CTNNA3: variants seen among roughly 807,000 people sequenced by gnomAD.
CTNNA3 encodes catenin alpha-3.
In CTNNA3, 76 loss-of-function variants were observed where a neutral mutation model predicts 95.7. The observed-to-expected ratio is 0.79, with a 90% CI of 0.66 to 0.96. The LOEUF is 0.96. CTNNA3 is among the 40% of genes least tolerant of loss of function. CTNNA3 has a pLI of 0.00. For missense variants in CTNNA3, 1,191 were observed against 1,089.8 expected (o/e 1.09, Z -1.31); for synonymous variants, 431 against 374.4 (o/e 1.15, Z -1.74).
intron 2 of CTNNA3, among the ~76,000 whole-genome samples, 166 bp downstream of exon 2, chr10:67,647,249 A>C (rs1177656417): frequency 6.6e-6 from 1 of 150,804 alleles, no homozygotes; most frequent in African/African-American, 2.4e-5. Context: ...ACATCTTAAC[A>C]ACACACATAC....
intron 11 of CTNNA3, among the ~76,000 whole-genome samples, chr10:66,489,674 A>T (rs1299046266): frequency 6.6e-6 from 1 of 152,144 alleles, no homozygotes; most frequent in African/African-American, 2.4e-5. Context: ...TTACTCTTTC[A>T]TGAGGCTTTA....
At chr10:66,253,158 G>A (rs1482722125) in intron 13 of CTNNA3, among the ~76,000 whole-genome samples, 1 of 152,134 alleles carries the variant, frequency 6.6e-6, no homozygotes, top group Non-Finnish European at 1.5e-5. Flanking sequence ...TTTGTCATCT[G>A]ATGTAGACAT....
intron 7 of CTNNA3, among the ~76,000 whole-genome samples, chr10:66,801,213 T>C (rs1841415962): frequency 6.6e-6 from 1 of 151,310 alleles, no homozygotes; most frequent in Admixed American, 6.6e-5. Context: ...CACATCGTGA[T>C]TTACAGACAA....
intron 3 of CTNNA3, among the ~76,000 whole-genome samples, chr10:67,558,354 TCCAC>T (rs2133248457): frequency 6.6e-6 from 1 of 152,350 alleles, no homozygotes; most frequent in African/African-American, 2.4e-5. Flanking sequence ...TGACACCTCT[TCCAC>T]CCACCCCTTT....
chr10:66,319,805 C>T (rs2092156597), intron 12 of CTNNA3, among the ~76,000 whole-genome samples: 1 of 152,136 alleles, frequency 6.6e-6, no homozygotes, highest in Non-Finnish European at 1.5e-5. Flanking sequence ...ACATCTTTCA[C>T]TTCTTACTCC....
intron 7 of CTNNA3, among the ~76,000 whole-genome samples, chr10:66,864,323 T>A (rs1344925890): frequency 6.6e-6 from 1 of 152,120 alleles, no homozygotes; most frequent in Admixed American, 6.6e-5. Context: ...AGAGTGAGTT[T>A]GTTATCAATG....
intron 12 of CTNNA3, among the ~76,000 whole-genome samples, chr10:66,372,979 T>C (rs995890719): frequency 6.6e-6 from 1 of 152,160 alleles, no homozygotes; most frequent in Non-Finnish European, 1.5e-5. Flanking sequence ...ATTTTTCAGA[T>C]ATGGCAGTAT....
intron 11 of CTNNA3, among the ~76,000 whole-genome samples, chr10:66,431,139 GA>G (rs1228468139): frequency 2.6e-5 from 4 of 151,958 alleles, no homozygotes; most frequent in African/African-American, 7.2e-5. Flanking sequence ...ACAGACACAT[GA>G]AAAAATGCTC....
chr10:66,824,669 A>G (rs946956700), intron 7 of CTNNA3, among the ~76,000 whole-genome samples: 10 of 152,216 alleles, frequency 6.6e-5, no homozygotes, highest in Admixed American at 5.9e-4. Context: ...AAAAGCAGAC[A>G]GTATGTGGGA....
intron 7 of CTNNA3, among the ~76,000 whole-genome samples, chr10:66,854,336 T>C (rs1843609030): frequency 6.6e-6 from 1 of 152,064 alleles, no homozygotes; most frequent in Non-Finnish European, 1.5e-5. Context: ...CTGCATACTA[T>C]TCCTTTGGCA....
chr10:67,277,624 G>C (rs1375934913), intron 5 of CTNNA3, among the ~76,000 whole-genome samples: 2 of 152,108 alleles, frequency 1.3e-5, no homozygotes, highest in Non-Finnish European at 2.9e-5. Flanking sequence ...GTCGGCACAA[G>C]ATACAGGTCA....
At chr10:66,353,729 AG>A (rs2092584811) in intron 12 of CTNNA3, among the ~76,000 whole-genome samples, 1 of 152,006 alleles carries the variant, frequency 6.6e-6, no homozygotes, top group Non-Finnish European at 1.5e-5. Flanking sequence ...GAGTTGATGT[AG>A]AAAAAAAAAT....
At chr10:66,234,824 G>T (rs1307365394) in intron 13 of CTNNA3, among the ~76,000 whole-genome samples, 4 of 152,138 alleles carry the variant, frequency 2.6e-5, no homozygotes, top group African/African-American at 9.7e-5. Flanking sequence ...AAGCAAAAGT[G>T]AGAGGTATTT....
intron 9 of CTNNA3, among the ~76,000 whole-genome samples, chr10:66,730,348 G>A (rs1312733021): frequency 6.6e-6 from 1 of 152,108 alleles, no homozygotes; most frequent in African/African-American, 2.4e-5. Context: ...ACTAACGAAG[G>A]AATAGAAAAC....
intron 6 of CTNNA3, among the ~76,000 whole-genome samples, chr10:67,191,792 A>T (rs1431886406): frequency 6.6e-6 from 1 of 151,972 alleles, no homozygotes; most frequent in Non-Finnish European, 1.5e-5. Context: ...AAATAGCCAA[A>T]GCAATCTTAA....
chr10:66,957,195 AAG>A (rs2132750444), intron 7 of CTNNA3, among the ~76,000 whole-genome samples: 1 of 152,104 alleles, frequency 6.6e-6, no homozygotes, highest in South Asian at 2.1e-4. Flanking sequence ...AACTTTATCA[AAG>A]ATATCTCCCA....
chr10:67,291,633 G>A (rs1407180089), intron 5 of CTNNA3, among the ~76,000 whole-genome samples: 1 of 152,006 alleles, frequency 6.6e-6, no homozygotes, highest in East Asian at 1.9e-4. Context: ...TGATTCACTG[G>A]GGTTCGTTTT....
At chr10:67,421,630 CAATA>C (rs1158929892) in intron 5 of CTNNA3, among the ~76,000 whole-genome samples, 2 of 152,118 alleles carry the variant, frequency 1.3e-5, no homozygotes, top group African/African-American at 4.8e-5. Flanking sequence ...GTTTCTTGAA[CAATA>C]AATCTGAATA....
At chr10:66,472,693 C>T (rs571891404) in intron 11 of CTNNA3, among the ~76,000 whole-genome samples, 51 of 151,978 alleles carry the variant, frequency 3.4e-4, no homozygotes, top group Non-Finnish European at 5.2e-4. Flanking sequence ...AAAAGTCTAG[C>T]GTTTCAGAGA....
Sources: allele counts gnomAD v4.1 joint callset (sites outside exome capture counted in the v4.1 genomes callset), GRCh38; gene constraint gnomAD v4.1.1; transcripts MANE v1.5; gene names NCBI Gene and HGNC (gene_info 2026-07-23, HGNC 2026-07-21).